ERC2: variants seen among roughly 807,000 people sequenced by gnomAD.
ERC2 encodes the protein ERC protein 2.
Under a neutral mutation model 114.8 loss-of-function variants are expected in ERC2, and 42 were observed. The observed-to-expected ratio is 0.37, with a 90% CI of 0.29 to 0.47. The LOEUF (loss-of-function observed/expected upper bound fraction) is 0.47, where lower values mean the gene tolerates loss of function less well. Ranked by LOEUF, ERC2 falls within the 20% of genes least tolerant of loss-of-function variation. The pLI is 0.99. For missense variants in ERC2, 939 were observed against 1,150.7 expected, an observed-to-expected ratio of 0.82 and a Z score of 2.66; for synonymous variants, 454 against 425.5, an observed-to-expected ratio of 1.07 and a Z score of -0.82.
At position 55,660,277 on chromosome 3, in the gene ERC2, T is replaced by C. The variant is rs150301549; in HGVS notation, c.*39+23517A>G. ...GCAATAGCATTTGTTCCACCTGATA[T>C]TCCTTTTGGCTCCTGATCTTTATGT... On this transcript the variant is annotated intron_variant, in intron 17 of 17. Transcript: ENST00000288221. Among the ~76,000 whole-genome samples the C allele has an allele frequency of 1.7e-3, 254 of 152,310 alleles. 2 individuals carry two copies. The highest frequency in any genetic ancestry group is 6.0e-3 in the African/African-American group (250 of 41,564).
intron 6 of ERC2, among the ~76,000 whole-genome samples, chr3:56,138,051 CTTTTTTTTTTT>C (rs920983143): frequency 3.2e-5 from 3 of 92,632 alleles, no homozygotes; most frequent in Admixed American, 1.2e-4. Flanking sequence ...AATGGTATTT[CTTTTTTTTTTT>C]TTTTTTTTTT....
At chr3:55,783,063 T>C (rs1163703061) in intron 14 of ERC2, among the ~76,000 whole-genome samples, 1 of 152,242 alleles carries the variant, frequency 6.6e-6, no homozygotes, top group African/African-American at 2.4e-5. Context: ...GGCACTTTCC[T>C]TACAGTTGTC....
intron 16 of ERC2, among the ~76,000 whole-genome samples, chr3:55,687,999 T>G (rs1476667835): frequency 6.6e-6 from 1 of 152,252 alleles, no homozygotes; most frequent in Non-Finnish European, 1.5e-5. Context: ...CTGTCTTTTA[T>G]TTCTCCTGCT....
intron 7 of ERC2, among the ~76,000 whole-genome samples, chr3:56,046,851 ATGT>A (rs1378223830): frequency 6.6e-6 from 1 of 152,208 alleles, no homozygotes; most frequent in Admixed American, 6.5e-5. Context: ...TCAAAGTTTA[ATGT>A]TGTTCATTCC....
chr3:55,768,892 A>T (rs750578993), intron 14 of ERC2, among the ~76,000 whole-genome samples: 5 of 152,196 alleles, frequency 3.3e-5, no homozygotes, highest in Non-Finnish European at 5.9e-5. Flanking sequence ...GAGGGAACAG[A>T]CATGATCAAA....
At chr3:56,147,727 A>G (rs2081214671) in intron 5 of ERC2, among the ~76,000 whole-genome samples, 1 of 152,242 alleles carries the variant, frequency 6.6e-6, no homozygotes, top group African/African-American at 2.4e-5. Flanking sequence ...CAAGTGGTAG[A>G]AAAAGAAAAA....
intron 17 of ERC2, among the ~76,000 whole-genome samples, chr3:55,631,945 C>T (rs1197690845): frequency 6.6e-6 from 1 of 152,246 alleles, no homozygotes; most frequent in Admixed American, 6.5e-5. Flanking sequence ...CTTATCATCT[C>T]CCCTGGAACA....
chr3:55,842,303 T>C (rs59675024), intron 14 of ERC2, among the ~76,000 whole-genome samples: 3,817 of 152,172 alleles, frequency 0.025, 139 homozygotes, highest in African/African-American at 0.088. Context: ...TAGACAACCA[T>C]GAGTGGCTCA....
chr3:55,635,260 C>A (rs1016672084), intron 17 of ERC2, among the ~76,000 whole-genome samples: 1 of 151,842 alleles, frequency 6.6e-6, no homozygotes, highest in African/African-American at 2.4e-5. Flanking sequence ...TAAAGGTATG[C>A]GAATATTTAG....
intron 17 of ERC2, among the ~76,000 whole-genome samples, chr3:55,651,669 C>T (rs987988237): frequency 6.6e-6 from 1 of 152,162 alleles, no homozygotes; most frequent in Non-Finnish European, 1.5e-5. Flanking sequence ...CTCCCTCTAG[C>T]AGTCCATACA....
intron 6 of ERC2, among the ~76,000 whole-genome samples, chr3:56,135,453 G>T (rs1203741968): frequency 1.3e-5 from 2 of 152,240 alleles, no homozygotes; most frequent in African/African-American, 4.8e-5. Context: ...GACAAGTGAA[G>T]TAGAGTATTC....
At chr3:55,902,552 G>A (rs891584436) in intron 13 of ERC2, among the ~76,000 whole-genome samples, 1 of 152,212 alleles carries the variant, frequency 6.6e-6, no homozygotes, top group African/African-American at 2.4e-5. Flanking sequence ...CTGACCGACA[G>A]AACTTAGCTG....
intron 10 of ERC2, among the ~76,000 whole-genome samples, chr3:55,995,453 A>G (rs956881692): frequency 6.6e-6 from 1 of 152,350 alleles, no homozygotes; most frequent in Middle Eastern, 3.4e-3. Context: ...ACTTATGTCA[A>G]GCCACTTTCA....
At chr3:55,858,304 T>G (rs1046754784) in intron 14 of ERC2, among the ~76,000 whole-genome samples, 5 of 152,232 alleles carry the variant, frequency 3.3e-5, no homozygotes, top group African/African-American at 1.2e-4. Flanking sequence ...TGTTTATATA[T>G]TACATGTCTT....
intron 14 of ERC2, among the ~76,000 whole-genome samples, chr3:55,797,937 A>G (rs2070650504): frequency 6.6e-6 from 1 of 152,224 alleles, no homozygotes; most frequent in Non-Finnish European, 1.5e-5. Flanking sequence ...ACCTAAAATA[A>G]TAAATGGGTT....
At chr3:55,932,789 G>A (rs952741333) in intron 13 of ERC2, among the ~76,000 whole-genome samples, 20 of 152,018 alleles carry the variant, frequency 1.3e-4, no homozygotes, top group Non-Finnish European at 2.8e-4. Flanking sequence ...TTTTTTCAGC[G>A]AATACTCAGC....
chr3:55,718,807 C>T (rs898967356), intron 15 of ERC2, among the ~76,000 whole-genome samples: 3 of 152,152 alleles, frequency 2.0e-5, no homozygotes, highest in Admixed American at 6.5e-5. Flanking sequence ...TTGGTCAGGA[C>T]ATTAATATTT....
At chr3:55,595,428 T>C (rs1380070012) in intron 17 of ERC2, among the ~76,000 whole-genome samples, 1 of 152,182 alleles carries the variant, frequency 6.6e-6, no homozygotes, top group Non-Finnish European at 1.5e-5. Flanking sequence ...TCTATTCCCA[T>C]CCCTTACCCT....
At chr3:56,253,523 T>C (rs1461806764) in intron 3 of ERC2, among the ~76,000 whole-genome samples, 2 of 152,242 alleles carry the variant, frequency 1.3e-5, no homozygotes, top group Non-Finnish European at 2.9e-5. Flanking sequence ...CTCATTTATG[T>C]TGACAAGCTT....
Sources: gnomAD v4.1 joint callset for allele counts (sites outside exome capture counted in the v4.1 genomes callset) on GRCh38, gnomAD v4.1.1 for gene constraint, MANE v1.5 for transcripts, NCBI Gene and HGNC (gene_info 2026-07-23, HGNC 2026-07-21) for gene names.